GABRB2: variants seen among roughly 807,000 people sequenced by gnomAD.
GABRB2 encodes gamma-aminobutyric acid type A receptor subunit beta2.
A neutral mutation model predicts 54.7 loss-of-function variants in GABRB2; 16 were observed. That is an observed-to-expected ratio of 0.29 (90% CI 0.20 to 0.44). The LOEUF is 0.44. GABRB2 is among the 20% of genes least tolerant of loss of function. GABRB2 has a pLI of 1.00. For missense variants in GABRB2, 355 were observed against 644.0 expected (o/e 0.55, Z 4.86); for synonymous variants, 244 against 233.8 (o/e 1.04, Z -0.40).
intron 4 of GABRB2, among the ~76,000 whole-genome samples, chr5:161,451,194 A>C (rs966220054): frequency 3.3e-5 from 5 of 152,148 alleles, no homozygotes; most frequent in African/African-American, 1.2e-4. Flanking sequence ...CCATTTTACC[A>C]ATGACAGAAC....
At chr5:161,457,836 T>C (rs1052333820) in intron 4 of GABRB2, among the ~76,000 whole-genome samples, 13 of 152,314 alleles carry the variant, frequency 8.5e-5, no homozygotes, top group Admixed American at 7.2e-4. Context: ...CAACTTTTAT[T>C]GCACTGCTAT....
chr5:161,413,004 C>G (rs557417213), intron 4 of GABRB2, among the ~76,000 whole-genome samples: 1 of 152,240 alleles, frequency 6.6e-6, no homozygotes, highest in East Asian at 1.9e-4. Flanking sequence ...CTCCTGGTCT[C>G]AAGCAATCCT....
intron 9 of GABRB2, among the ~76,000 whole-genome samples, chr5:161,315,177 G>T (rs1018835541): frequency 1.3e-5 from 2 of 152,094 alleles, no homozygotes; most frequent in Non-Finnish European, 2.9e-5. Context: ...ATTATATTTG[G>T]TTTAGTGCTG....
At chr5:161,341,968 T>TATATATAC (rs1205547471) in intron 5 of GABRB2, among the ~76,000 whole-genome samples, 20 of 31,132 alleles carry the variant, frequency 6.4e-4, no homozygotes, top group African/African-American at 1.1e-3. Context: ...TATATATATA[T>TATATATAC]ACATACTTTA....
intron 9 of GABRB2, among the ~76,000 whole-genome samples, chr5:161,318,120 T>G (rs1343697422): frequency 1.3e-5 from 2 of 151,962 alleles, no homozygotes. Context: ...AAAGTAACCA[T>G]GTGCTTTAAA....
chr5:161,464,326 T>A (rs1385063106), intron 3 of GABRB2, among the ~76,000 whole-genome samples: 1 of 151,890 alleles, frequency 6.6e-6, no homozygotes, highest in African/African-American at 2.4e-5. Flanking sequence ...AGTAAATAAG[T>A]TTATAAAATG....
intron 3 of GABRB2, among the ~76,000 whole-genome samples, chr5:161,534,451 T>C (rs1420780443): frequency 6.6e-6 from 1 of 152,190 alleles, no homozygotes; most frequent in Non-Finnish European, 1.5e-5. Context: ...CTTGTAGGAA[T>C]TTCCATGAAT....
At chr5:161,387,995 G>A (rs1755699338) in intron 5 of GABRB2, among the ~76,000 whole-genome samples, 1 of 152,052 alleles carries the variant, frequency 6.6e-6, no homozygotes, top group African/African-American at 2.4e-5. Context: ...AAAAAAAAAT[G>A]TAGGTTGGTC....
chr5:161,496,940 T>C (rs771662839), intron 3 of GABRB2, among the ~76,000 whole-genome samples: 1 of 152,166 alleles, frequency 6.6e-6, no homozygotes, highest in Non-Finnish European at 1.5e-5. Flanking sequence ...AAACTGCTTA[T>C]AATAAGGCTG....
intron 3 of GABRB2, among the ~76,000 whole-genome samples, chr5:161,504,036 A>T (rs540351634): frequency 1.3e-5 from 2 of 152,208 alleles, no homozygotes; most frequent in Non-Finnish European, 2.9e-5. Flanking sequence ...CTAATTACAG[A>T]CCTTTAAAAT....
Position 161,291,772 on chromosome 5 carries a change from GC to G in GABRB2, c.*2308del, listed in dbSNP as rs1757244105. Reference sequence around the variant, plus strand: ...GCTTGTACAGTGATTGCACATAAGAGCCCACTTCTACACTTGGGCTCTGAGT... The same window carrying G: ...GCTTGTACAGTGATTGCACATAAGAGCCACTTCTACACTTGGGCTCTGAGT... On this transcript the variant is annotated 3_prime_UTR_variant, in exon 10 of 10. Coordinates refer to ENST00000393959, the MANE Select transcript of GABRB2 (RefSeq NM_001371727.1). 1 of 152,482 alleles carries G rather than the reference GC, an allele frequency of 6.6e-6. No homozygotes were observed. Among genetic ancestry groups the G allele is most frequent in the Admixed American group, 6.6e-5 (1 of 15,264 alleles). 9.4% of individuals were successfully genotyped at this position (152,482 alleles called of 1,614,324 possible).
intron 3 of GABRB2, among the ~76,000 whole-genome samples, chr5:161,489,809 T>G (rs904872986): frequency 6.6e-6 from 1 of 151,780 alleles, no homozygotes; most frequent in Non-Finnish European, 1.5e-5. Context: ...TTAAGCCTAA[T>G]AGCTTTAGGC....
intron 4 of GABRB2, among the ~76,000 whole-genome samples, chr5:161,457,538 C>G (rs1338212907): frequency 6.6e-6 from 1 of 151,536 alleles, no homozygotes; most frequent in East Asian, 1.9e-4. Context: ...CTCCGCCTCC[C>G]AGGTTCACAC....
intron 9 of GABRB2, among the ~76,000 whole-genome samples, chr5:161,319,333 G>T (rs905339515): frequency 1.9e-4 from 28 of 148,936 alleles, no homozygotes; most frequent in African/African-American, 6.8e-4. Flanking sequence ...AACCAAGAAT[G>T]AATATTAAAT....
intron 3 of GABRB2, among the ~76,000 whole-genome samples, chr5:161,536,780 T>C (rs1160705505): frequency 2.0e-5 from 3 of 152,110 alleles, no homozygotes; most frequent in Non-Finnish European, 4.4e-5. Flanking sequence ...GTATTTTTAT[T>C]AGAGACGGGG....
At chr5:161,321,547 A>G (rs564881887) in intron 9 of GABRB2, among the ~76,000 whole-genome samples, 1 of 152,246 alleles carries the variant, frequency 6.6e-6, no homozygotes, top group African/African-American at 2.4e-5. Flanking sequence ...ATATTACAAT[A>G]TTATTTCCCA....
At chr5:161,523,766 C>A (rs1760188621) in intron 3 of GABRB2, among the ~76,000 whole-genome samples, 1 of 150,800 alleles carries the variant, frequency 6.6e-6, no homozygotes, top group Non-Finnish European at 1.5e-5. Context: ...CTATTGTCAC[C>A]TCCATTGCTA....
intron 3 of GABRB2, among the ~76,000 whole-genome samples, chr5:161,529,044 T>C (rs1760373190): frequency 6.6e-6 from 1 of 151,986 alleles, no homozygotes; most frequent in Non-Finnish European, 1.5e-5. Context: ...ATTTTGCTCT[T>C]AATTCTCAGG....
chr5:161,354,671 A>G (rs1212171218), intron 5 of GABRB2, among the ~76,000 whole-genome samples: 1 of 151,986 alleles, frequency 6.6e-6, no homozygotes, highest in African/African-American at 2.4e-5. Context: ...AAACAAACAA[A>G]CAAAACACTA....
Sources: gnomAD v4.1 joint callset for allele counts (sites outside exome capture counted in the v4.1 genomes callset) on GRCh38, gnomAD v4.1.1 for gene constraint, MANE v1.5 for transcripts, NCBI Gene and HGNC (gene_info 2026-07-23, HGNC 2026-07-21) for gene names.